The following TACC2 variants were observed in gnomAD, a reference collection of about 807,000 sequenced individuals.
TACC2 encodes the protein transforming acidic coiled-coil-containing protein 2.
A neutral mutation model predicts 227.3 loss-of-function variants in TACC2; 137 were observed. The observed-to-expected ratio is 0.60, with a 90% confidence interval of 0.52 to 0.69. The LOEUF (loss-of-function observed/expected upper bound fraction) is 0.69. Among genes scored for constraint, TACC2 ranks in the 30% least tolerant of loss-of-function variants. The pLI is 0.00. For missense variants in TACC2, 3,470 were observed against 3,694.4 expected, an observed-to-expected ratio of 0.94 and a Z score of 1.57; for synonymous variants, 1,523 against 1,487.5, an observed-to-expected ratio of 1.02 and a Z score of -0.55.
chr10:122,187,682 G>A (rs566844313), intron 7 of TACC2, among the ~76,000 whole-genome samples: 21 of 152,024 alleles, frequency 1.4e-4, no homozygotes, highest in African/African-American at 4.8e-4. Flanking sequence ...GTAGAGACAG[G>A]GTTTCTCCAC....
chr10:122,081,246 G>C (rs538214322), intron 3 of TACC2, among the ~76,000 whole-genome samples: 1 of 151,864 alleles, frequency 6.6e-6, no homozygotes, highest in Non-Finnish European at 1.5e-5. Flanking sequence ...TTGACTAGGC[G>C]TGGTGGCTCA....
chr10:122,203,176 A>G (rs991139481), intron 8 of TACC2, among the ~76,000 whole-genome samples: 2 of 152,126 alleles, frequency 1.3e-5, no homozygotes, highest in African/African-American at 4.8e-5. Flanking sequence ...GCTGCTGGGT[A>G]CACCTCCCAG....
intron 6 of TACC2, among the ~76,000 whole-genome samples, chr10:122,134,706 G>A (rs970458242): frequency 2.0e-5 from 3 of 152,112 alleles, no homozygotes; most frequent in Non-Finnish European, 2.9e-5. Context: ...AATGGGGCAC[G>A]CCCTCCCTTA....
intron 2 of TACC2, among the ~76,000 whole-genome samples, chr10:122,048,679 C>T (rs2075335770): frequency 1.3e-5 from 2 of 152,086 alleles, no homozygotes; most frequent in Admixed American, 6.6e-5. Context: ...TTCTAATTCA[C>T]ACAATGGCAT....
intron 11 of TACC2, among the ~76,000 whole-genome samples, chr10:122,219,394 C>G (rs1051659976): frequency 6.6e-6 from 1 of 152,160 alleles, no homozygotes; most frequent in African/African-American, 2.4e-5. Context: ...TTCTTGCTTC[C>G]CAACTAGCTT....
At position 122,205,101 on chromosome 10, in the gene TACC2, CTAAG is replaced by C. The variant is rs1465553081; in HGVS notation, c.5972-5294_5972-5291del. On this transcript the variant is annotated intron_variant, in intron 8 of 22. Transcript: ENST00000369005. This position sits in a 1 kb window ranked among gnomAD's most constrained non-coding sequence, Gnocchi z 4.5. ...TAAAGACACTTTAATTTCTTCATCA[CTAAG>C]TGAGTTAGCACGGTCAGTAACTGTC... Among the ~76,000 whole-genome samples, 2 of 152,246 alleles carry C rather than the reference CTAAG, an allele frequency of 1.3e-5. No homozygotes were observed. The highest frequency in any genetic ancestry group is 2.9e-5 in the Non-Finnish European group (2 of 68,050).
chr10:122,135,037 C>T (rs2138955828), intron 6 of TACC2, among the ~76,000 whole-genome samples: 1 of 152,330 alleles, frequency 6.6e-6, no homozygotes, highest in Non-Finnish European at 1.5e-5. Context: ...TCCGTAAATC[C>T]TCATGCCAGC....
chr10:122,068,122 C>T (rs1343860566), intron 3 of TACC2, among the ~76,000 whole-genome samples: 1 of 152,090 alleles, frequency 6.6e-6, no homozygotes, highest in Non-Finnish European at 1.5e-5. Context: ...TAATTTCACC[C>T]AGTGGGTTTT....
rs1320462719 is a variant in TACC2 at position 122,086,003 on chromosome 10, C to T, written c.3503C>T (p.Ser1168Phe). 2 of 1,613,824 alleles carry T rather than the reference C, an allele frequency of 1.2e-6. No individual in the cohort carries two copies. Among genetic ancestry groups the T allele is most frequent in the African/African-American group, 2.7e-5 (2 of 74,906 alleles). The part of the protein sequence containing the change: ...GLLQTEHCLT[S>F]GEEASTSALR... ...CTTCAGACTGAGCACTGCCTTACCT[C>T]CGGGGAGGAAGCTTCTACCTCTGCC... Residue 1168 changes from serine to phenylalanine, a missense_variant, in exon 4 of 23, where the codon TCC (serine) becomes TTC (phenylalanine). Ser to Phe is a radical substitution (Grantham distance 155). Around this residue, in one of 10 missense-constraint regions of TACC2, gnomAD observed 1,924 missense variants for 1,978.3 expected, o/e 0.97. Coordinates refer to ENST00000369005, the MANE Select transcript of TACC2 (RefSeq NM_206862.4).
At chr10:122,243,313 A>C (rs563605979) in intron 19 of TACC2, among the ~76,000 whole-genome samples, 2 of 152,236 alleles carry the variant, frequency 1.3e-5, no homozygotes, top group South Asian at 4.2e-4. Context: ...ACCACGCTTT[A>C]TGTGTCCAAG....
intron 11 of TACC2, among the ~76,000 whole-genome samples, chr10:122,218,826 G>C (rs2095464941): frequency 6.6e-6 from 1 of 151,726 alleles, no homozygotes; most frequent in Admixed American, 6.6e-5. Flanking sequence ...TTCAAGACGA[G>C]CCTGGGCAAC....
intron 3 of TACC2, among the ~76,000 whole-genome samples, chr10:122,065,978 A>G (rs954105915): frequency 5.3e-5 from 8 of 152,286 alleles, no homozygotes; most frequent in Admixed American, 1.3e-4. Flanking sequence ...TGCATAGTAC[A>G]TCTTCCCCTT....
At chr10:122,023,317 C>G (rs1043546237) in intron 2 of TACC2, 1 of 152,112 alleles carries the variant, frequency 6.6e-6, no homozygotes, top group African/African-American at 2.4e-5. Flanking sequence ...GGCATGAGCC[C>G]CCGCGCCCGG....
chr10:122,022,681 T>C (rs975094913), intron 2 of TACC2: 1 of 150,024 alleles, frequency 6.7e-6, no homozygotes, highest in African/African-American at 2.5e-5. Context: ...ATAAAACCTT[T>C]CCACACTGCT....
chr10:122,083,766 C>T lies in TACC2; in HGVS notation c.1266C>T (p.Leu422=), dbSNP rs551434293. Reference sequence around the variant, plus strand: ...AGGAAGCACATCCAGCTTCAAGCCTCGCTTCATTCCCAGCTGCTCAGATTC... The same window carrying T: ...AGGAAGCACATCCAGCTTCAAGCCTTGCTTCATTCCCAGCTGCTCAGATTC... The part of the protein sequence containing the change: ...PTEEAHPASS[L]ASFPAAQIPI... The change falls in exon 4 of 23, where the codon CTC becomes CTT. Residue 422 remains leucine, a synonymous_variant. Coordinates refer to ENST00000369005, the MANE Select transcript of TACC2 (RefSeq NM_206862.4). 2.0e-4 allele frequency: 326 copies of T among 1,614,098 alleles called. 1 individual carries two copies. In the South Asian group the frequency reaches 2.8e-3, roughly 14 times the overall value.
rs1311157950 is a variant in TACC2, at chr10:122,163,630, G to A, written c.5834+19924G>A. On this transcript the variant is annotated intron_variant, in intron 7 of 22. Coordinates refer to ENST00000369005, the MANE Select transcript of TACC2 (RefSeq NM_206862.4). ...GAAGAGCCTTTCGGACCACACCGGC[G>A]CTCACGCTCATACCCGCACGCCCCG... 3.9e-6 allele frequency: 4 copies of A among 1,025,816 alleles called. No individual in the cohort carries two copies. The African/African-American group carries it at 5.1e-5, about 13-fold the overall frequency. 63.5% of individuals were successfully genotyped at this position (1,025,816 alleles called of 1,614,324 possible).
chr10:122,039,933 T>G (rs1591361464), intron 2 of TACC2, among the ~76,000 whole-genome samples: 1 of 152,222 alleles, frequency 6.6e-6, no homozygotes, highest in East Asian at 1.9e-4. Flanking sequence ...CTCTTCTATC[T>G]GCTAATTGGA....
chr10:122,139,232 C>T (rs1592493775), intron 6 of TACC2, among the ~76,000 whole-genome samples: 2 of 152,230 alleles, frequency 1.3e-5, no homozygotes, highest in African/African-American at 4.8e-5. Context: ...AGTGGATAGA[C>T]GTGTGCCAGG....
chr10:122,167,080 C>A (rs2093215207), intron 7 of TACC2, among the ~76,000 whole-genome samples: 1 of 152,246 alleles, frequency 6.6e-6, no homozygotes, highest in Non-Finnish European at 1.5e-5. Context: ...GTTCCCTCAG[C>A]TTCCACCAAA....
Sources: gnomAD v4.1 joint callset for allele counts (sites outside exome capture counted in the v4.1 genomes callset) on GRCh38, gnomAD v4.1.1 for gene constraint, gnomAD v4.1.1 regional missense constraint, Gnocchi (gnomAD v3.1) non-coding constraint, MANE v1.5 for transcripts, NCBI Gene and HGNC (gene_info 2026-07-23, HGNC 2026-07-21) for gene names.